The following MTHFD1L variants were observed in gnomAD, a reference collection of about 807,000 sequenced individuals.
MTHFD1L encodes methylenetetrahydrofolate dehydrogenase (NADP+ dependent) 1 like.
MTHFD1L carries 81 observed loss-of-function variants against 119.5 expected under a neutral mutation model. The ratio of observed to expected loss-of-function variants is 0.68; its 90% CI spans 0.57 to 0.82. The LOEUF is 0.82. Ranked by LOEUF, MTHFD1L falls within the 40% of genes least tolerant of loss-of-function variation. The pLI, the probability that MTHFD1L is intolerant of heterozygous loss-of-function variation, is 0.00. For missense variants in MTHFD1L, 1,125 were observed against 1,253.4 expected, an observed-to-expected ratio of 0.90 and a Z score of 1.55; for synonymous variants, 430 against 475.2, an observed-to-expected ratio of 0.90 and a Z score of 1.24.
intron 7 of MTHFD1L, among the ~76,000 whole-genome samples, chr6:150,903,203 ATTTTTTTTTTTTTTTTTT>A (rs774695918): frequency 2.3e-5 from 2 of 85,474 alleles, no homozygotes; most frequent in South Asian, 8.7e-4. Context: ...TGGCTGCAAA[ATTTTTTTTTTTTTTTTTT>A]TTTTTTTTTT....
chr6:151,032,179 T>C (rs910512528), intron 24 of MTHFD1L, among the ~76,000 whole-genome samples: 1 of 152,200 alleles, frequency 6.6e-6, no homozygotes, highest in African/African-American at 2.4e-5. Context: ...CACTCTCGAG[T>C]TGCTATAAAG....
chr6:151,015,305 C>G lies in MTHFD1L; in HGVS notation c.2409-211C>G, dbSNP rs1430873878. ...ATGTTATGGAATTTTCTTGATAACA[C>G]CCTTAACGACTTGAAATATTTGAGT... On this transcript the variant is annotated intron_variant, in intron 23 of 27. Transcript: ENST00000367321. 3.4e-5 allele frequency among the ~76,000 whole-genome samples: 5 copies of G among 148,968 alleles called. 1 individual carries two copies. The Admixed American group carries it at 3.4e-4, about 10-fold the overall frequency.
intron 13 of MTHFD1L, among the ~76,000 whole-genome samples, chr6:150,941,898 C>T (rs1223343064): frequency 6.6e-6 from 1 of 152,036 alleles, no homozygotes; most frequent in Non-Finnish European, 1.5e-5. Context: ...ATAGAAACAT[C>T]GAAAAAGAAA....
intron 5 of MTHFD1L, among the ~76,000 whole-genome samples, chr6:150,883,527 GA>G (rs1292387416): frequency 1.3e-5 from 2 of 152,126 alleles, no homozygotes; most frequent in Admixed American, 1.3e-4. Flanking sequence ...GACCAGAGAA[GA>G]AAACTTAGAA....
In MTHFD1L at chr6:150,940,491, C is replaced by T. The variant is rs116816730; in HGVS notation, c.1440+1746C>T. Among the ~76,000 whole-genome samples the T allele has an allele frequency of 5.7e-3, 869 of 152,228 alleles. 3 individuals are homozygous for T. The highest frequency in any genetic ancestry group is 0.015 in the South Asian group (73 of 4,814). On this transcript the variant is annotated intron_variant, in intron 13 of 27. Transcript: ENST00000367321. Reference sequence around the variant, plus strand: ...AAGGGGCATACACAGGGGAATGGCTCGGGTTTAGCCAGCAAATTGGAAGGA... The same window carrying T: ...AAGGGGCATACACAGGGGAATGGCTTGGGTTTAGCCAGCAAATTGGAAGGA...
chr6:151,037,851 G>C (rs1786418104), intron 26 of MTHFD1L, among the ~76,000 whole-genome samples: 2 of 151,928 alleles, frequency 1.3e-5, no homozygotes, highest in African/African-American at 4.8e-5. Context: ...ATTTGGTTTA[G>C]AACAAAAAAG....
chr6:150,954,035 C>T lies in MTHFD1L; in HGVS notation c.1727-1960C>T, dbSNP rs890663851. On this transcript the variant is annotated intron_variant, in intron 16 of 27. Coordinates refer to ENST00000367321, the MANE Select transcript of MTHFD1L (RefSeq NM_015440.5). The stretch of plus-strand genomic sequence containing the variant: ...TGTTTGTGTGAGGGTGTGAGTGTGT[C>T]TGAGAGAGAGGGAGCTTGTTATAAA... Among the ~76,000 whole-genome samples the T allele has an allele frequency of 2.6e-5, 4 of 152,092 alleles. No individual in the cohort carries two copies. The East Asian group carries it at 7.7e-4, about 29-fold the overall frequency.
chr6:151,039,871 C>T lies in MTHFD1L; in HGVS notation c.2847+2754C>T, dbSNP rs1249316260. 5.3e-5 allele frequency among the ~76,000 whole-genome samples: 8 copies of T among 152,084 alleles called. No homozygotes were observed. Among genetic ancestry groups the T allele is most frequent in the South Asian group, 2.1e-4 (1 of 4,826 alleles). ...CAGAAGTTGCAGTAAGCCAAGATTG[C>T]GCCATTGCACTTCAGCCTGGGTGAC... is the stretch of plus-strand genomic sequence containing the variant. On this transcript the variant is annotated intron_variant, in intron 26 of 27. Coordinates refer to ENST00000367321, the MANE Select transcript of MTHFD1L (RefSeq NM_015440.5). This position sits in a 1 kb window ranked among gnomAD's most constrained non-coding sequence, Gnocchi z 4.4.
chr6:150,920,802 T>C (rs1448969671), intron 9 of MTHFD1L, among the ~76,000 whole-genome samples: 10 of 152,178 alleles, frequency 6.6e-5, no homozygotes, highest in Admixed American at 5.2e-4. Context: ...AGACGGGGTC[T>C]CACTGTGTCA....
chr6:151,049,182 C>A (rs575837976), intron 26 of MTHFD1L, among the ~76,000 whole-genome samples: 1 of 152,262 alleles, frequency 6.6e-6, no homozygotes, highest in South Asian at 2.1e-4. Context: ...ATGGTGAAAC[C>A]CCATCTCTAT....
chr6:151,077,468 C>T (rs1792645122), intron 26 of MTHFD1L, among the ~76,000 whole-genome samples: 1 of 151,904 alleles, frequency 6.6e-6, no homozygotes, highest in South Asian at 2.1e-4. Context: ...CCTGATGAAA[C>T]CCCATCTCTA....
At chr6:150,981,922 TA>T (rs199965107) in intron 20 of MTHFD1L, among the ~76,000 whole-genome samples, 9 of 152,038 alleles carry the variant, frequency 5.9e-5, no homozygotes, top group Non-Finnish European at 1.2e-4. Flanking sequence ...CCCATCTCTA[TA>T]AAAAAAATTT....
chr6:150,944,936 G>A (rs1793685001), intron 14 of MTHFD1L, among the ~76,000 whole-genome samples: 1 of 152,224 alleles, frequency 6.6e-6, no homozygotes, highest in Non-Finnish European at 1.5e-5. Context: ...AAGGGGATTG[G>A]ACAGATGTCG....
chr6:150,892,172 G>A (rs1783416520), intron 7 of MTHFD1L, among the ~76,000 whole-genome samples: 1 of 152,218 alleles, frequency 6.6e-6, no homozygotes, highest in Non-Finnish European at 1.5e-5. Flanking sequence ...CTCAGTGGAA[G>A]AGGAAAATAA....
chr6:151,045,490 G>C (rs1787857032), intron 26 of MTHFD1L, among the ~76,000 whole-genome samples: 1 of 152,184 alleles, frequency 6.6e-6, no homozygotes, highest in Non-Finnish European at 1.5e-5. Context: ...AAAAGTCTTT[G>C]AAATGGCCCT....
At chr6:151,034,424 C>T (rs1562570312) in intron 24 of MTHFD1L, 69 bp from the exon 25 acceptor site, 6 of 1,096,600 alleles carry the variant, frequency 5.5e-6, no homozygotes, top group African/African-American at 1.6e-5. Context: ...GAACATCTCA[C>T]TAAAGTTTTT....
At chr6:151,091,592 A>G (rs1336771087) in intron 26 of MTHFD1L, among the ~76,000 whole-genome samples, 1 of 152,126 alleles carries the variant, frequency 6.6e-6, no homozygotes, top group Non-Finnish European at 1.5e-5. Flanking sequence ...TCATACCCTC[A>G]TGCCTAAGTG....
intron 20 of MTHFD1L, among the ~76,000 whole-genome samples, chr6:150,976,077 G>A (rs950039548): frequency 3.9e-5 from 6 of 152,188 alleles, no homozygotes; most frequent in African/African-American, 9.7e-5. Context: ...GGCGCATGAT[G>A]TAATATCAGC....
intron 11 of MTHFD1L, among the ~76,000 whole-genome samples, chr6:150,932,818 G>GGGAGGAAGGAAGGAAA (rs1554253949): frequency 4.6e-5 from 6 of 129,046 alleles, no homozygotes; most frequent in Admixed American, 7.5e-5. Context: ...GAGGGAGGGA[G>GGGAGGAAGGAAGGAAA]GAAGGAAGGA....
Sources: allele counts gnomAD v4.1 joint callset (sites outside exome capture counted in the v4.1 genomes callset), GRCh38; gene constraint gnomAD v4.1.1; non-coding constraint Gnocchi (gnomAD v3.1); transcripts MANE v1.5; gene names NCBI Gene and HGNC (gene_info 2026-07-23, HGNC 2026-07-21).